SATB1: variants seen among roughly 807,000 people sequenced by gnomAD.
SATB1 encodes the protein DNA-binding protein SATB1.
SATB1 carries 11 observed loss-of-function variants against 86.9 expected under a neutral mutation model. That is an observed-to-expected ratio of 0.13 (90% CI 0.08 to 0.21). The LOEUF (loss-of-function observed/expected upper bound fraction) is 0.21. Ranked by LOEUF, SATB1 falls within the 10% of genes least tolerant of loss-of-function variation. The pLI is 1.00. For missense variants in SATB1, 551 were observed against 937.6 expected (o/e 0.59, Z 5.39); for synonymous variants, 357 against 357.2 (o/e 1.00, Z 0.01).
rs1167298546 is a variant in SATB1, at chr3:18,416,060, T to C, written c.462A>G (p.Ala154=). Residue 154 remains alanine (A), a synonymous_variant, in exon 4 of 11, where the codon GCA becomes GCG. Coordinates refer to ENST00000338745, the MANE Select transcript of SATB1 (RefSeq NM_002971.6). ...YVTDAPDATV[A]DMLQDVYHVV... ...CATGATACACATCTTGAAGCATATC[T>C]GCTACTGTAGCATCAGGGGCATCTG... The C allele has an allele frequency of 2.5e-6, 4 of 1,610,720 alleles. No homozygotes were observed. Among genetic ancestry groups the C allele is most frequent in the Non-Finnish European group, 3.4e-6 (4 of 1,177,852 alleles).
chr3:18,409,960 A>T (rs1697749585), intron 5 of SATB1, among the ~76,000 whole-genome samples: 1 of 152,060 alleles, frequency 6.6e-6, no homozygotes, highest in Non-Finnish European at 1.5e-5. Context: ...TTGGGGTTCA[A>T]AACAAAGGGC....
chr3:18,370,938 T>C (rs1334623155), intron 9 of SATB1, among the ~76,000 whole-genome samples: 2 of 152,222 alleles, frequency 1.3e-5, no homozygotes, highest in African/African-American at 4.8e-5. Flanking sequence ...ACCACGCTAA[T>C]TATCACAGCT....
At chr3:18,421,855 A>C (rs1421502657) in intron 1 of SATB1, among the ~76,000 whole-genome samples, 1 of 151,844 alleles carries the variant, frequency 6.6e-6, no homozygotes, top group Non-Finnish European at 1.5e-5. Context: ...AAAAAAAAAA[A>C]AACACAAACA....
chr3:18,348,208 GATCT>G lies in SATB1; in HGVS notation c.*958_*961del, dbSNP rs1559383461. On this transcript the variant is annotated 3_prime_UTR_variant, in exon 11 of 11. Transcript: ENST00000338745. ...CATTAATTGCATAATTTTCTAAGGT[GATCT>G]ATTAGTTTTATTTACCTAAGCTTAT... 3 of 152,538 alleles carry G rather than the reference GATCT, an allele frequency of 2.0e-5. No individual in the cohort carries two copies. The highest frequency in any genetic ancestry group is 2.9e-5 in the Non-Finnish European group (2 of 68,012). 9.4% of individuals were successfully genotyped at this position (152,538 alleles called of 1,614,324 possible).
rs1696377745 is a variant in SATB1, at chr3:18,386,989, CTACAGCCCAATATG to C, written c.1207-392_1207-379del. Among the ~76,000 whole-genome samples, 1 of 152,156 alleles carries C rather than the reference CTACAGCCCAATATG, an allele frequency of 6.6e-6. No homozygotes were observed. The highest frequency in any genetic ancestry group is 1.5e-5 in the Non-Finnish European group (1 of 68,024). On this transcript the variant is annotated intron_variant, in intron 7 of 10. Coordinates refer to ENST00000338745, the MANE Select transcript of SATB1 (RefSeq NM_002971.6). The surrounding 1 kb of genome is among the most constrained non-coding windows in gnomAD (Gnocchi z 4.5). ...TGCCTAGACAAAGGCAGTGTAATGC[CTACAGCCCAATATG>C]TAAAGATACAAAGCCATTTCTAGAG... is the stretch of plus-strand genomic sequence containing the variant.
intron 5 of SATB1, among the ~76,000 whole-genome samples, chr3:18,400,320 A>C (rs1697192735): frequency 6.6e-6 from 1 of 152,180 alleles, no homozygotes; most frequent in Non-Finnish European, 1.5e-5. Flanking sequence ...CCTGGCATGC[A>C]TTAATATAAA....
intron 9 of SATB1, among the ~76,000 whole-genome samples, chr3:18,354,450 G>T (rs1296570816): frequency 6.6e-6 from 1 of 152,086 alleles, no homozygotes; most frequent in African/African-American, 2.4e-5. Flanking sequence ...CCTTTCAAAA[G>T]AAGTTAGAGG....
intron 5 of SATB1, among the ~76,000 whole-genome samples, chr3:18,401,128 T>C (rs1407890939): frequency 1.3e-5 from 2 of 152,178 alleles, no homozygotes; most frequent in Admixed American, 6.5e-5. Flanking sequence ...AGAGCACTCA[T>C]CCTGCTGTTT....
In SATB1 at chr3:18,394,957, G is replaced by A; in HGVS notation, c.752-41C>T. On this transcript the variant is annotated intron_variant, in intron 6 of 10. Transcript: ENST00000338745. This position sits in a 1 kb window ranked among gnomAD's most constrained non-coding sequence, Gnocchi z 5.9. The stretch of plus-strand genomic sequence containing the variant: ...AGTAAAATCACATTCAGCCAACAAT[G>A]ATTGGCATTGATAAAGATTTCTAAC... 7.2e-7 allele frequency: 1 copy of A among 1,389,396 alleles called. No individual in the cohort carries two copies. 86.1% of individuals were successfully genotyped at this position (1,389,396 alleles called of 1,614,324 possible). A position where few individuals can be genotyped will look rare whatever the true frequency, so the allele number is the denominator to read the frequency against.
intron 9 of SATB1, among the ~76,000 whole-genome samples, chr3:18,371,473 A>C (rs1695478997): frequency 6.6e-6 from 1 of 152,188 alleles, no homozygotes; most frequent in African/African-American, 2.4e-5. Context: ...TAACAAGTAT[A>C]CTTAGAAAAA....
chr3:18,417,872 C>T (rs6772650), intron 2 of SATB1, among the ~76,000 whole-genome samples: 4,831 of 152,110 alleles, frequency 0.032, 263 homozygotes, highest in African/African-American at 0.11. Context: ...AAGGAATCTG[C>T]ATAGATTTGG....
At chr3:18,411,823 C>CA (rs1697857375) in intron 5 of SATB1, among the ~76,000 whole-genome samples, 3 of 152,076 alleles carry the variant, frequency 2.0e-5, no homozygotes, top group Admixed American at 2.0e-4. Context: ...AAATTAGTGT[C>CA]AATCGATTTG....
At position 18,444,756 on chromosome 3, in the gene SATB1, C is replaced by G; in HGVS notation, c.-25+762G>C. On this transcript the variant is annotated intron_variant, in intron 1 of 3. Coordinates refer to the SATB1 transcript ENST00000415069. The surrounding 1 kb of genome is among the most constrained non-coding windows in gnomAD (Gnocchi z 5.1). ...CCGCCGCCGCCGGAGCTGCGGCTGC[C>G]GCGGAAGTTAATTGCAACTTGACTT... 1 of 594,532 alleles carries G rather than the reference C, an allele frequency of 1.7e-6. No homozygotes were observed. Among genetic ancestry groups the G allele is most frequent in the Non-Finnish European group, 2.1e-6 (1 of 473,376 alleles). 36.8% of individuals were successfully genotyped at this position (594,532 alleles called of 1,614,324 possible).
intron 5 of SATB1, among the ~76,000 whole-genome samples, chr3:18,413,544 A>G (rs926735125): frequency 6.6e-6 from 1 of 152,112 alleles, no homozygotes; most frequent in African/African-American, 2.4e-5. Context: ...GTAACATGTT[A>G]TCTGGAGTTG....
intron 9 of SATB1, among the ~76,000 whole-genome samples, chr3:18,357,577 G>A (rs1221274015): frequency 2.7e-5 from 4 of 145,472 alleles, no homozygotes; most frequent in South Asian, 2.2e-4. Context: ...TAAAGCTGTC[G>A]GCACTCAAGG....
At chr3:18,380,343 T>G in intron 8 of SATB1, among the ~76,000 whole-genome samples, 1 of 152,188 alleles carries the variant, frequency 6.6e-6, no homozygotes, top group South Asian at 2.1e-4. Context: ...TTTTCATTAT[T>G]TTGTAAAAAT....
chr3:18,367,905 G>A (rs952221992), intron 9 of SATB1, among the ~76,000 whole-genome samples: 2 of 152,176 alleles, frequency 1.3e-5, no homozygotes, highest in Non-Finnish European at 2.9e-5. Context: ...AGCTCCACCA[G>A]TGATTGCAAA....
intron 9 of SATB1, among the ~76,000 whole-genome samples, chr3:18,371,310 T>G (rs1466581551): frequency 6.6e-6 from 1 of 152,146 alleles, no homozygotes; most frequent in African/African-American, 2.4e-5. Flanking sequence ...TCATAAATGG[T>G]TTACAACTTC....
chr3:18,393,989 A>AAACAAC (rs371402760), intron 7 of SATB1, among the ~76,000 whole-genome samples: 8 of 88,152 alleles, frequency 9.1e-5, no homozygotes, highest in Non-Finnish European at 1.6e-4. Context: ...TAACAACAAC[A>AAACAAC]AACAACAACA....
Sources: gnomAD v4.1 joint callset for allele counts (sites outside exome capture counted in the v4.1 genomes callset) on GRCh38, gnomAD v4.1.1 for gene constraint, Gnocchi (gnomAD v3.1) non-coding constraint, MANE v1.5 for transcripts, NCBI Gene and HGNC (gene_info 2026-07-23, HGNC 2026-07-21) for gene names.